The following ANXA10 variants were observed in gnomAD, a reference collection of about 807,000 sequenced individuals.
ANXA10 encodes the protein annexin A10.
A neutral mutation model predicts 53.5 loss-of-function variants in ANXA10; 49 were observed. The observed-to-expected ratio is 0.92, with a 90% CI of 0.73 to 1.16. The LOEUF is 1.16. Ranked by LOEUF, ANXA10 falls within the 50% of genes most tolerant of loss-of-function variation. The pLI, the probability that ANXA10 is intolerant of heterozygous loss-of-function variation, is 0.00. For missense variants in ANXA10, 393 were observed against 394.4 expected (o/e 1.00, Z 0.03); for synonymous variants, 131 against 128.9 (o/e 1.02, Z -0.11).
At chr4:168,117,861 T>G (rs1730918416) in intron 1 of ANXA10, among the ~76,000 whole-genome samples, 1 of 152,160 alleles carries the variant, frequency 6.6e-6, no homozygotes, top group South Asian at 2.1e-4. Flanking sequence ...GCAACTGACC[T>G]TGGCCAGGAT....
intron 3 of ANXA10, among the ~76,000 whole-genome samples, chr4:168,155,716 TATATA>T (rs1168029413): frequency 5.8e-4 from 6 of 10,338 alleles, no homozygotes; most frequent in East Asian, 3.5e-3. Context: ...TATATAATAT[TATATA>T]ATATAATATA....
At chr4:168,181,859 G>C in intron 10 of ANXA10, 118 bp downstream of exon 10, 1 of 737,536 alleles carries the variant, frequency 1.4e-6, no homozygotes, top group Non-Finnish European at 2.3e-6. Context: ...TATGTACAAA[G>C]AAAATACACC....
intron 3 of ANXA10, among the ~76,000 whole-genome samples, chr4:168,143,647 C>G (rs1222066525): frequency 2.0e-5 from 3 of 152,184 alleles, no homozygotes; most frequent in Non-Finnish European, 4.4e-5. Context: ...GAAGAATAAA[C>G]AGACAATGAT....
At chr4:168,097,219 T>C in intron 1 of ANXA10, among the ~76,000 whole-genome samples, 1 of 151,986 alleles carries the variant, frequency 6.6e-6, no homozygotes, top group East Asian at 1.9e-4. Flanking sequence ...ATTCTCTCCG[T>C]ATCCATTCAT....
intron 1 of ANXA10, among the ~76,000 whole-genome samples, chr4:168,114,084 A>G (rs1730852097): frequency 6.6e-6 from 1 of 151,980 alleles, no homozygotes; most frequent in Non-Finnish European, 1.5e-5. Context: ...TTTGTAAATA[A>G]CCTAAATAGG....
intron 3 of ANXA10, among the ~76,000 whole-genome samples, chr4:168,149,228 C>G (rs1731454988): frequency 6.6e-6 from 1 of 152,190 alleles, no homozygotes; most frequent in African/African-American, 2.4e-5. Flanking sequence ...CACATTCTCT[C>G]CTACTGTAAA....
At chr4:168,111,525 C>G (rs1730806523) in intron 1 of ANXA10, among the ~76,000 whole-genome samples, 1 of 152,134 alleles carries the variant, frequency 6.6e-6, no homozygotes, top group Admixed American at 6.5e-5. Context: ...TAACACTTTA[C>G]AGAGGACACA....
At chr4:168,106,082 G>A (rs918572044) in intron 1 of ANXA10, among the ~76,000 whole-genome samples, 8 of 152,030 alleles carry the variant, frequency 5.3e-5, no homozygotes, top group African/African-American at 1.9e-4. Flanking sequence ...CTCCCATTCT[G>A]TAGGTTGTTT....
intron 1 of ANXA10, among the ~76,000 whole-genome samples, chr4:168,117,367 A>G (rs1730910465): frequency 6.6e-6 from 1 of 152,250 alleles, no homozygotes. Context: ...CCTTTTAAAA[A>G]TACAACCTTA....
At chr4:168,168,268 T>G (rs1731918498) in intron 6 of ANXA10, among the ~76,000 whole-genome samples, 1 of 152,224 alleles carries the variant, frequency 6.6e-6, no homozygotes, top group African/African-American at 2.4e-5. Flanking sequence ...GAAGTGTTCA[T>G]GAGCCTTGTT....
intron 1 of ANXA10, among the ~76,000 whole-genome samples, chr4:168,100,649 A>T (rs1296159774): frequency 1.3e-5 from 2 of 152,074 alleles, no homozygotes; most frequent in Non-Finnish European, 2.9e-5. Context: ...TTGTGAAATT[A>T]TTTTGTCAAA....
rs764508028 is a variant in ANXA10 at position 168,187,323 on chromosome 4, A to G, written c.907-43A>G. On this transcript the variant is annotated intron_variant, in intron 11 of 11. Transcript: ENST00000359299. ...GGAATTATGCTTCCTTTTTAGAACT[A>G]TTATGATATTTTATTTCAAATATAT... The G allele has an allele frequency of 1.5e-4, 197 of 1,310,688 alleles. 3 individuals carry two copies. The Admixed American group carries it at 3.7e-3, about 25-fold the overall frequency. The allele number at this position is 1,310,688 out of a possible 1,614,324, so 81.2% of individuals were successfully genotyped here. A position where few individuals can be genotyped will look rare whatever the true frequency, so the allele number is the denominator to read the frequency against.
At chr4:168,145,774 C>T (rs540909899) in intron 3 of ANXA10, among the ~76,000 whole-genome samples, 9 of 152,198 alleles carry the variant, frequency 5.9e-5, no homozygotes, top group South Asian at 4.2e-4. Context: ...AATTCAGGGA[C>T]CAAACTTCCC....
chr4:168,105,406 T>A (rs551097620), intron 1 of ANXA10, among the ~76,000 whole-genome samples: 1 of 152,238 alleles, frequency 6.6e-6, no homozygotes, highest in Admixed American at 6.6e-5. Flanking sequence ...CTAAGCATAA[T>A]GGCCTCCAGC....
chr4:168,117,186 T>A (rs527725552), intron 1 of ANXA10, among the ~76,000 whole-genome samples: 13 of 152,188 alleles, frequency 8.5e-5, no homozygotes, highest in African/African-American at 2.7e-4. Flanking sequence ...GAGGATGCAG[T>A]GAGCCATGAT....
chr4:168,138,465 T>C (rs1731275450), intron 2 of ANXA10, among the ~76,000 whole-genome samples: 1 of 152,208 alleles, frequency 6.6e-6, no homozygotes, highest in Admixed American at 6.5e-5. Context: ...CTTGTTCTTA[T>C]TGCAGTAGCA....
intron 1 of ANXA10, among the ~76,000 whole-genome samples, chr4:168,120,470 A>ACTT: frequency 6.6e-6 from 1 of 152,252 alleles, no homozygotes; most frequent in Admixed American, 6.5e-5. Context: ...AGCCTGGGTA[A>ACTT]ATAACTGGTT....
At chr4:168,107,522 C>A (rs1004717768) in intron 1 of ANXA10, among the ~76,000 whole-genome samples, 1 of 152,016 alleles carries the variant, frequency 6.6e-6, no homozygotes, top group African/African-American at 2.4e-5. Context: ...TTAAATTGTT[C>A]ATTTAAACTC....
rs181333660 is a variant in ANXA10, at chr4:168,107,804, C to T, written c.18+15086C>T. ...AATCCCATCATAGGATCCCCATTCT[C>T]ATGACCTCATCTACATTTAATTTCC... On this transcript the variant is annotated intron_variant, in intron 1 of 11. Transcript: ENST00000359299. Among the ~76,000 whole-genome samples the T allele has an allele frequency of 1.2e-4, 18 of 152,262 alleles. No homozygotes were observed. In the East Asian group the frequency reaches 3.5e-3, roughly 29 times the overall value.
Sources: gnomAD v4.1 joint callset for allele counts (sites outside exome capture counted in the v4.1 genomes callset) on GRCh38, gnomAD v4.1.1 for gene constraint, MANE v1.5 for transcripts, NCBI Gene and HGNC (gene_info 2026-07-23, HGNC 2026-07-21) for gene names.